EXD3: variants seen among roughly 807,000 people sequenced by gnomAD.
EXD3 encodes exonuclease mut-7 homolog.
A neutral mutation model predicts 98.0 loss-of-function variants in EXD3; 92 were observed. The observed-to-expected ratio is 0.94, with a 90% CI of 0.79 to 1.12. EXD3 has a LOEUF of 1.12. Among genes scored for constraint, EXD3 ranks in the 50% most tolerant of loss-of-function variants. EXD3 has a pLI of 0.00. For missense variants in EXD3, 1,222 were observed against 1,191.6 expected, an observed-to-expected ratio of 1.03 and a Z score of -0.38; for synonymous variants, 569 against 526.0, an observed-to-expected ratio of 1.08 and a Z score of -1.12.
In EXD3 at chr9:137,352,211, G is replaced by T. The variant is rs750849616; in HGVS notation, c.1038-10C>A. The T allele has an allele frequency of 6.2e-7, 1 of 1,612,474 alleles. No individual in the cohort carries two copies. The highest frequency in any genetic ancestry group is 8.5e-7 in the Non-Finnish European group (1 of 1,179,678). Reference sequence around the variant, plus strand: ...GTCAGCCTCAGTCGCCCTGGGAGGAGCAGAGCTGGTAGCGCCCCCATGTCC... The same window carrying T: ...GTCAGCCTCAGTCGCCCTGGGAGGATCAGAGCTGGTAGCGCCCCCATGTCC... On this transcript the variant is annotated splice_polypyrimidine_tract_variant and intron_variant, in intron 11 of 21. Coordinates refer to ENST00000340951, the MANE Select transcript of EXD3 (RefSeq NM_017820.5).
At chr9:137,322,437 T>G (rs376887898) in intron 19 of EXD3, among the ~76,000 whole-genome samples, 1 of 107,916 alleles carries the variant, frequency 9.3e-6, no homozygotes, top group African/African-American at 3.6e-5. Flanking sequence ...TGCCGACACC[T>G]CACCCCGGAC....
chr9:137,409,396 C>T (rs948389799), intron 1 of EXD3, among the ~76,000 whole-genome samples: 1 of 152,250 alleles, frequency 6.6e-6, no homozygotes, highest in Admixed American at 6.5e-5. Flanking sequence ...TTATAAATTA[C>T]CCAGTTTTAG....
At chr9:137,342,752 C>A (rs1299923596) in intron 17 of EXD3, among the ~76,000 whole-genome samples, 1 of 152,204 alleles carries the variant, frequency 6.6e-6, no homozygotes, top group African/African-American at 2.4e-5. Context: ...GCAGCAGTGG[C>A]AGCCACGAGA....
chr9:137,387,793 C>T (rs964075918), intron 2 of EXD3, among the ~76,000 whole-genome samples: 4 of 152,240 alleles, frequency 2.6e-5, no homozygotes, highest in Non-Finnish European at 5.9e-5. Flanking sequence ...CCTCCTCGTG[C>T]AGTAGCTTCT....
intron 17 of EXD3, among the ~76,000 whole-genome samples, chr9:137,342,702 C>T (rs1833709934): frequency 6.6e-6 from 1 of 152,172 alleles, no homozygotes; most frequent in Non-Finnish European, 1.5e-5. Flanking sequence ...GAACTGTTTC[C>T]CAGCCGAGTT....
chr9:137,395,104 C>G lies in EXD3; in HGVS notation c.55+199G>C, dbSNP rs938189286. On this transcript the variant is annotated intron_variant, in intron 2 of 21. Coordinates refer to ENST00000340951, the MANE Select transcript of EXD3 (RefSeq NM_017820.5). This position sits in a 1 kb window ranked among gnomAD's most constrained non-coding sequence, Gnocchi z 6.5. The stretch of plus-strand genomic sequence containing the variant: ...CAAGGAGGCGGCCTGTCCTGACCCC[C>G]GAGGACAACAAGGCCACAGTGGGGC... Among the ~76,000 whole-genome samples, 1 of 152,102 alleles carries G rather than the reference C, an allele frequency of 6.6e-6. No homozygotes were observed. Among genetic ancestry groups the G allele is most frequent in the Admixed American group, 6.5e-5 (1 of 15,286 alleles).
At chr9:137,377,445 T>TA (rs60776134) in intron 3 of EXD3, among the ~76,000 whole-genome samples, 21,837 of 94,210 alleles carry the variant, frequency 0.23, 2,266 homozygotes, top group African/African-American at 0.38. Flanking sequence ...ACTCTGTCTC[T>TA]AAAAAAAAAA....
intron 5 of EXD3, among the ~76,000 whole-genome samples, chr9:137,368,500 C>T (rs529057882): frequency 7.9e-5 from 12 of 152,308 alleles, no homozygotes; most frequent in South Asian, 6.2e-4. Flanking sequence ...ACCCCGCGAG[C>T]GCTCCAAGGC....
At chr9:137,321,887 G>A (rs1832050423) in intron 19 of EXD3, among the ~76,000 whole-genome samples, 1 of 152,158 alleles carries the variant, frequency 6.6e-6, no homozygotes, top group Non-Finnish European at 1.5e-5. Flanking sequence ...CTTGAGTGGA[G>A]GCGCAAAAGG....
At chr9:137,314,908 C>T (rs1050012796) in intron 19 of EXD3, among the ~76,000 whole-genome samples, 44 of 152,220 alleles carry the variant, frequency 2.9e-4, no homozygotes, top group African/African-American at 1.0e-3. Flanking sequence ...GCCCCTCGTG[C>T]GCGGGGAGAC....
In EXD3 at chr9:137,349,110, C is replaced by T; in HGVS notation, c.1830G>A (p.Gln610=). 6.3e-7 allele frequency: 1 copy of T among 1,592,304 alleles called. No individual in the cohort carries two copies. Among genetic ancestry groups the T allele is most frequent in the Non-Finnish European group, 8.5e-7 (1 of 1,174,826 alleles). Residue 610 remains glutamine, a splice_region_variant and synonymous_variant, in exon 16 of 22, where the codon CAG becomes CAA. Coordinates refer to ENST00000340951, the MANE Select transcript of EXD3 (RefSeq NM_017820.5). This position sits in a 1 kb window ranked among gnomAD's most constrained non-coding sequence, Gnocchi z 7.4. ...ACGGACCCTGCGGGGCTTCACCCAC[C>T]TGCCTGGGTGCGGCCGGTGCTGACG... The part of the protein sequence containing the change: ...QKASAPAAPR[Q]VPVAVAVSEG...
At position 137,407,803 on chromosome 9, in the gene EXD3, G is replaced by A. The variant is rs1487434063; in HGVS notation, c.-47-12399C>T. Reference sequence around the variant, plus strand: ...CACAGGCATTCGAGGTCTTGGATGCGCCGGCTGGACCCAAGGACACACGCG... The same window carrying A: ...CACAGGCATTCGAGGTCTTGGATGCACCGGCTGGACCCAAGGACACACGCG... On this transcript the variant is annotated intron_variant, in intron 1 of 21. Transcript: ENST00000340951. This position sits in a 1 kb window ranked among gnomAD's most constrained non-coding sequence, Gnocchi z 4.4. 6.6e-6 allele frequency among the ~76,000 whole-genome samples: 1 copy of A among 151,834 alleles called. No individual in the cohort carries two copies. Among genetic ancestry groups the A allele is most frequent in the Non-Finnish European group, 1.5e-5 (1 of 67,950 alleles).
At chr9:137,316,422 G>GC (rs958668923) in intron 19 of EXD3, among the ~76,000 whole-genome samples, 1 of 151,956 alleles carries the variant, frequency 6.6e-6, no homozygotes, top group Admixed American at 6.6e-5. Context: ...GGGGGACTCG[G>GC]CCCCCCGCCC....
intron 2 of EXD3, among the ~76,000 whole-genome samples, chr9:137,391,060 G>C (rs1252912820): frequency 6.6e-6 from 1 of 152,204 alleles, no homozygotes; most frequent in African/African-American, 2.4e-5. Context: ...GCTCGGCATG[G>C]AGAGGGGCAG....
chr9:137,391,254 G>A (rs1216320315), intron 2 of EXD3, among the ~76,000 whole-genome samples: 6 of 152,166 alleles, frequency 3.9e-5, no homozygotes, highest in Non-Finnish European at 7.4e-5. Context: ...ACGGAGCTTC[G>A]TAGGAAAAGT....
At chr9:137,328,102 A>T (rs566712924) in intron 17 of EXD3, among the ~76,000 whole-genome samples, 2 of 152,226 alleles carry the variant, frequency 1.3e-5, no homozygotes, top group African/African-American at 2.4e-5. Context: ...AGTAAAAACA[A>T]CTAATATACA....
intron 20 of EXD3, 27 bp from the exon 21 acceptor site, chr9:137,307,673 C>CTGTCAGTCAA (rs1453074201): frequency 2.5e-6 from 4 of 1,606,840 alleles, no homozygotes; most frequent in Non-Finnish European, 3.4e-6. Context: ...AGAGCTGGTC[C>CTGTCAGTCAA]GGGACTGTCC....
intron 19 of EXD3, among the ~76,000 whole-genome samples, chr9:137,316,218 T>G: frequency 6.6e-6 from 1 of 151,130 alleles, no homozygotes; most frequent in Non-Finnish European, 1.5e-5. Context: ...GGGGCGCGCC[T>G]GGGAACGGCC....
At chr9:137,410,527 T>A (rs1279499612) in intron 1 of EXD3, among the ~76,000 whole-genome samples, 1 of 149,964 alleles carries the variant, frequency 6.7e-6, no homozygotes, top group Non-Finnish European at 1.5e-5. Flanking sequence ...CCCTTTTAAG[T>A]GTCTTCATTT....
Sources: allele counts gnomAD v4.1 joint callset (sites outside exome capture counted in the v4.1 genomes callset), GRCh38; gene constraint gnomAD v4.1.1; non-coding constraint Gnocchi (gnomAD v3.1); transcripts MANE v1.5; gene names NCBI Gene and HGNC (gene_info 2026-07-23, HGNC 2026-07-21).